EPHB1: variants seen among roughly 807,000 people sequenced by gnomAD.
The protein encoded by EPHB1 is ephrin type-B receptor 1.
A neutral mutation model predicts 94.4 loss-of-function variants in EPHB1; 30 were observed. The observed-to-expected ratio is 0.32, with a 90% CI of 0.24 to 0.43. The LOEUF is 0.43. Among genes scored for constraint, EPHB1 ranks in the 20% least tolerant of loss-of-function variants. The pLI is 1.00. For synonymous variants in EPHB1, 522 were observed against 489.1 expected (o/e 1.07, Z -0.89); for missense variants, 1,055 against 1,308.3 (o/e 0.81, Z 2.99).
chr3:134,824,798 C>A (rs1197542721), intron 1 of EPHB1, among the ~76,000 whole-genome samples: 2 of 152,142 alleles, frequency 1.3e-5, no homozygotes. Context: ...ATGGGTACTT[C>A]AATTGACAGC....
At chr3:134,899,722 T>C (rs1250496714) in intron 1 of EPHB1, among the ~76,000 whole-genome samples, 1 of 152,218 alleles carries the variant, frequency 6.6e-6, no homozygotes, top group African/African-American at 2.4e-5. Context: ...GTCACCAGGC[T>C]TGACTGCAAT....
intron 3 of EPHB1, among the ~76,000 whole-genome samples, chr3:135,046,017 C>T (rs1936987026): frequency 6.6e-6 from 1 of 152,130 alleles, no homozygotes; most frequent in Non-Finnish European, 1.5e-5. Context: ...ACGAAAATAA[C>T]ATATTACATC....
intron 9 of EPHB1, among the ~76,000 whole-genome samples, chr3:135,174,177 T>G (rs1051867755): frequency 3.3e-5 from 5 of 152,200 alleles, no homozygotes; most frequent in Non-Finnish European, 7.3e-5. Context: ...TGCCCCACTT[T>G]CAGTACATCT....
chr3:135,124,155 A>G (rs1459446957), intron 4 of EPHB1, among the ~76,000 whole-genome samples: 1 of 151,726 alleles, frequency 6.6e-6, no homozygotes, highest in Non-Finnish European at 1.5e-5. Context: ...AACCAAGTAC[A>G]TTCCCACCTC....
chr3:135,159,991 T>A (rs1344123239), intron 6 of EPHB1, among the ~76,000 whole-genome samples: 3 of 152,194 alleles, frequency 2.0e-5, no homozygotes, highest in Admixed American at 6.5e-5. Context: ...GGTCACCCTT[T>A]CCCTCAGTCA....
At chr3:135,013,059 C>T (rs754105772) in intron 3 of EPHB1, among the ~76,000 whole-genome samples, 25 of 152,118 alleles carry the variant, frequency 1.6e-4, no homozygotes, top group Admixed American at 9.2e-4. Flanking sequence ...GATTTCAGAA[C>T]GAAAGCCTTT....
chr3:134,802,493 T>C (rs1029651785), intron 1 of EPHB1, among the ~76,000 whole-genome samples: 3 of 152,120 alleles, frequency 2.0e-5, no homozygotes, highest in Non-Finnish European at 4.4e-5. Context: ...GATCTGATTT[T>C]CAGACATCAG....
chr3:134,967,906 A>G (rs1025024540), intron 3 of EPHB1, among the ~76,000 whole-genome samples: 1 of 152,222 alleles, frequency 6.6e-6, no homozygotes, highest in Non-Finnish European at 1.5e-5. Context: ...TGGACTTTTC[A>G]GGAGTCCACA....
At chr3:135,187,136 A>G (rs559124491) in intron 10 of EPHB1, among the ~76,000 whole-genome samples, 1 of 152,338 alleles carries the variant, frequency 6.6e-6, no homozygotes, top group South Asian at 2.1e-4. Flanking sequence ...GGTCCTAACC[A>G]AATAGATGTC....
chr3:134,823,029 C>T (rs1330530211), intron 1 of EPHB1, among the ~76,000 whole-genome samples: 4 of 152,140 alleles, frequency 2.6e-5, no homozygotes, highest in African/African-American at 9.7e-5. Context: ...TACATGACTC[C>T]TCAGGACCAC....
At chr3:135,173,633 A>G (rs1472988355) in intron 9 of EPHB1, among the ~76,000 whole-genome samples, 2 of 152,036 alleles carry the variant, frequency 1.3e-5, no homozygotes, top group Non-Finnish European at 2.9e-5. Flanking sequence ...GGGGCAGACT[A>G]TTTCTAGTGC....
chr3:135,178,325 G>A lies in EPHB1; in HGVS notation c.1760-1535G>A, dbSNP rs535523025. ...ACAAAAATTAGCTAGGCGTGGTGGTGCATGCCTATAATCCCAGCTACTCAG... is the reference window on the plus strand; with the variant it reads ...ACAAAAATTAGCTAGGCGTGGTGGTACATGCCTATAATCCCAGCTACTCAG... On this transcript the variant is annotated intron_variant, in intron 9 of 15. Transcript: ENST00000398015. Among the ~76,000 whole-genome samples the A allele has an allele frequency of 3.3e-5, 5 of 151,854 alleles. No homozygotes were observed. The East Asian group carries it at 9.7e-4, about 29-fold the overall frequency.
At chr3:135,243,255 A>C (rs1255283144) in intron 13 of EPHB1, among the ~76,000 whole-genome samples, 3 of 152,166 alleles carry the variant, frequency 2.0e-5, no homozygotes, top group African/African-American at 7.2e-5. Flanking sequence ...AAAATTTCTG[A>C]TATTAGACTT....
chr3:134,920,107 T>A (rs2038653689), intron 1 of EPHB1, among the ~76,000 whole-genome samples: 1 of 152,138 alleles, frequency 6.6e-6, no homozygotes, highest in Non-Finnish European at 1.5e-5. Flanking sequence ...CTGTGTTCTG[T>A]GTGGCTGCAA....
chr3:135,239,396 T>A (rs762580884), intron 12 of EPHB1, among the ~76,000 whole-genome samples: 1 of 152,162 alleles, frequency 6.6e-6, no homozygotes, highest in Non-Finnish European at 1.5e-5. Context: ...GAATGGGCAG[T>A]ATAAAAATAT....
Position 135,076,262 on chromosome 3 carries a change from A to AT in EPHB1, c.806-30186_806-30185insT, listed in dbSNP as rs1559820194. Among the ~76,000 whole-genome samples the AT allele has an allele frequency of 2.2e-4, 15 of 68,924 alleles. 1 individual carries two copies. Among genetic ancestry groups the AT allele is most frequent in the African/African-American group, 1.2e-3 (11 of 9,304 alleles). 45.2% of individuals were successfully genotyped at this position (68,924 alleles called of 152,430 possible). A position where few individuals can be genotyped will look rare whatever the true frequency, so the allele number is the denominator to read the frequency against. On this transcript the variant is annotated intron_variant, in intron 3 of 15. Coordinates refer to ENST00000398015, the MANE Select transcript of EPHB1 (RefSeq NM_004441.5). ...ATATATATATATATATATATATATA[A>AT]CTCTTAAATGCATTAGTAAAAAGTC...
intron 10 of EPHB1, among the ~76,000 whole-genome samples, chr3:135,185,656 C>G (rs1942307509): frequency 6.6e-6 from 1 of 152,146 alleles, no homozygotes; most frequent in African/African-American, 2.4e-5. Context: ...GAATTTAAAC[C>G]CAGCTAGAGC....
intron 3 of EPHB1, among the ~76,000 whole-genome samples, chr3:135,097,211 C>A (rs1173184448): frequency 8.0e-6 from 1 of 125,262 alleles, no homozygotes; most frequent in Non-Finnish European, 1.6e-5. Flanking sequence ...TAGTCCATAG[C>A]ACTGCTGACT....
intron 1 of EPHB1, among the ~76,000 whole-genome samples, chr3:134,908,101 C>T (rs2038373930): frequency 6.6e-6 from 1 of 152,240 alleles, no homozygotes; most frequent in African/African-American, 2.4e-5. Flanking sequence ...CAGCCCTTGC[C>T]TGGGAATAGT....
Sources: gnomAD v4.1 joint callset for allele counts (sites outside exome capture counted in the v4.1 genomes callset) on GRCh38, gnomAD v4.1.1 for gene constraint, MANE v1.5 for transcripts, NCBI Gene and HGNC (gene_info 2026-07-23, HGNC 2026-07-21) for gene names.